Variants in INSL6 observed in about 807,000 individuals in gnomAD.
INSL6 encodes the protein insulin like 6.
Under a neutral mutation model 9.4 loss-of-function variants are expected in INSL6, and 16 were observed. The ratio of observed to expected loss-of-function variants is 1.70; its 90% confidence interval spans 1.15 to 2.59. The LOEUF (loss-of-function observed/expected upper bound fraction) is 2.59, where lower values mean the gene tolerates loss of function less well. INSL6 is among the 30% of genes most tolerant of loss of function. The pLI is 0.00. For synonymous variants in INSL6, 154 were observed against 96.9 expected, an observed-to-expected ratio of 1.59 and a Z score of -3.46; for missense variants, 391 against 257.3, an observed-to-expected ratio of 1.52 and a Z score of -3.56.
At chr9:5,115,157 TC>T in the INSL6 span, among the ~76,000 whole-genome samples, 3 of 152,066 alleles carry the variant, frequency 2.0e-5, no homozygotes, top group Non-Finnish European at 4.4e-5. Flanking sequence ...TTTTTTGCAA[TC>T]TAGCCACCTG....
chr9:5,064,548 G>A, the INSL6 span, among the ~76,000 whole-genome samples: 50,369 of 151,010 alleles, frequency 0.33, 8,883 homozygotes, highest in African/African-American at 0.46. Context: ...AAAGAAAAAA[G>A]GAAATGCTCA....
intron 2 of INSL6, among the ~76,000 whole-genome samples, chr9:5,141,910 G>A (rs1227831726): frequency 1.3e-5 from 2 of 152,182 alleles, no homozygotes; most frequent in Admixed American, 6.5e-5. Context: ...GTGTAAGGAA[G>A]GGGTCCAGTT....
chr9:5,085,903 T>C, the INSL6 span: 1 of 902,988 alleles, frequency 1.1e-6, no homozygotes. Context: ...TCCTTTCTAA[T>C]ACCCTCATAC....
downstream of INSL6, among the ~76,000 whole-genome samples, chr9:5,161,215 C>T (rs1824919540): frequency 6.6e-6 from 1 of 152,114 alleles, no homozygotes; most frequent in African/African-American, 2.4e-5. Flanking sequence ...AACGCAACAA[C>T]ACATTAAAAA....
chr9:5,052,384 C>T, the INSL6 span, among the ~76,000 whole-genome samples: 1 of 152,002 alleles, frequency 6.6e-6, no homozygotes, highest in African/African-American at 2.4e-5. Context: ...AGGATATAAA[C>T]ACAGATGCAA....
the INSL6 span, among the ~76,000 whole-genome samples, chr9:5,095,962 A>T: frequency 6.6e-6 from 1 of 152,204 alleles, no homozygotes; most frequent in African/African-American, 2.4e-5. Context: ...AGTTTCACTA[A>T]TTCTACTATC....
the INSL6 span, chr9:5,066,878 A>G: frequency 1.9e-6 from 1 of 515,874 alleles, no homozygotes; most frequent in Non-Finnish European, 3.2e-6. Context: ...CCTTTTTAAT[A>G]CTGAGAATTA....
the INSL6 span, among the ~76,000 whole-genome samples, chr9:4,992,119 C>A: frequency 6.6e-6 from 1 of 152,172 alleles, no homozygotes; most frequent in Non-Finnish European, 1.5e-5. Flanking sequence ...CCAGGGGTGA[C>A]TTGAAGGCAA....
downstream of INSL6, among the ~76,000 whole-genome samples, chr9:5,121,330 G>C (rs1229548027): frequency 2.0e-5 from 3 of 152,278 alleles, no homozygotes; most frequent in African/African-American, 7.2e-5. Context: ...AAGTTCTTAG[G>C]ATAAACATTA....
the INSL6 span, among the ~76,000 whole-genome samples, chr9:5,027,745 A>G: frequency 6.6e-6 from 1 of 152,220 alleles, no homozygotes; most frequent in Non-Finnish European, 1.5e-5. Flanking sequence ...TATTCACAGC[A>G]TCTTCACCAG....
At chr9:4,997,577 G>A in the INSL6 span, among the ~76,000 whole-genome samples, 870 of 152,226 alleles carry the variant, frequency 5.7e-3, 9 homozygotes, top group African/African-American at 0.02. Context: ...CCTCCCACCA[G>A]GCCTCACCTC....
At chr9:5,082,146 C>T in the INSL6 span, among the ~76,000 whole-genome samples, 1 of 152,050 alleles carries the variant, frequency 6.6e-6, no homozygotes, top group Non-Finnish European at 1.5e-5. Context: ...AAAAGTGGGC[C>T]CAGGGGACCA....
intron 2 of INSL6, among the ~76,000 whole-genome samples, chr9:5,156,730 TAA>T (rs937056317): frequency 5.9e-5 from 9 of 151,838 alleles, no homozygotes; most frequent in African/African-American, 2.2e-4. Flanking sequence ...AAAGAAAAAA[TAA>T]AAGTCTCTAT....
the INSL6 span, chr9:5,111,080 G>C: frequency 5.7e-6 from 7 of 1,220,386 alleles, no homozygotes; most frequent in South Asian, 7.7e-5. Flanking sequence ...CCCAGCTCAG[G>C]CTCCTGGGGC....
chr9:4,997,022 G>C, the INSL6 span, among the ~76,000 whole-genome samples: 9 of 149,022 alleles, frequency 6.0e-5, no homozygotes. Flanking sequence ...TGCCTTCCCT[G>C]GGGTCCAGTG....
At chr9:5,126,839 T>G (rs1709981545) in intron 3 of INSL6, 1 of 1,166,576 alleles carries the variant, frequency 8.6e-7, no homozygotes, top group Non-Finnish European at 1.3e-6. Context: ...CAGAACAAAG[T>G]TTTATATTTC....
chr9:5,047,223 A>C, the INSL6 span, among the ~76,000 whole-genome samples: 1 of 152,186 alleles, frequency 6.6e-6, no homozygotes, highest in Non-Finnish European at 1.5e-5. Context: ...TGTAGACTAT[A>C]TATAGCAAAT....
the INSL6 span, among the ~76,000 whole-genome samples, chr9:5,021,358 C>T: frequency 6.6e-6 from 1 of 152,158 alleles, no homozygotes; most frequent in African/African-American, 2.4e-5. Context: ...TTTGAGATCT[C>T]TTCTTCTGTT....
At chr9:5,038,703 T>C in the INSL6 span, among the ~76,000 whole-genome samples, 1 of 152,094 alleles carries the variant, frequency 6.6e-6, no homozygotes, top group Non-Finnish European at 1.5e-5. Flanking sequence ...ATATTTCTTT[T>C]GCACATCAGG....
Sources: gnomAD v4.1 joint callset for allele counts (sites outside exome capture counted in the v4.1 genomes callset) on GRCh38, gnomAD v4.1.1 for gene constraint, MANE v1.5 for transcripts, NCBI Gene and HGNC (gene_info 2026-07-23, HGNC 2026-07-21) for gene names.